The following TRHDE variants were observed in gnomAD, a reference collection of about 807,000 sequenced individuals.
TRHDE encodes the protein thyrotropin releasing hormone degrading enzyme.
In TRHDE, 72 loss-of-function variants were observed where a neutral mutation model predicts 125.7. The observed-to-expected ratio is 0.57, with a 90% CI of 0.47 to 0.70. The LOEUF is 0.70. Among genes scored for constraint, TRHDE ranks in the 30% least tolerant of loss-of-function variants. The pLI, the probability that TRHDE is intolerant of heterozygous loss-of-function variation, is 0.00. For synonymous variants in TRHDE, 509 were observed against 509.1 expected (o/e 1.00, Z 0.00); for missense variants, 1,110 against 1,327.1 (o/e 0.84, Z 2.54).
At chr12:72,253,742 T>G (rs1878741658) in intron 2 of TRHDE, 1 of 152,200 alleles carries the variant, frequency 6.6e-6, no homozygotes, top group Admixed American at 6.5e-5. Flanking sequence ...GAGTTTTTAA[T>G]TACAAATGAA....
chr12:72,634,443 A>G (rs996600829), intron 15 of TRHDE, among the ~76,000 whole-genome samples: 2 of 151,600 alleles, frequency 1.3e-5, no homozygotes, highest in African/African-American at 2.4e-5. Context: ...TTTTTAACCA[A>G]TGCATGAGTT....
intron 12 of TRHDE, among the ~76,000 whole-genome samples, chr12:72,576,392 A>C (rs1191401788): frequency 6.6e-6 from 1 of 152,004 alleles, no homozygotes; most frequent in African/African-American, 2.4e-5. Context: ...GCTTTTTTTC[A>C]TGGGACCTGA....
At chr12:72,495,330 C>A (rs565652991) in intron 5 of TRHDE, among the ~76,000 whole-genome samples, 1 of 152,088 alleles carries the variant, frequency 6.6e-6, no homozygotes, top group South Asian at 2.1e-4. Context: ...TCCTAAGACA[C>A]TACTTTTATT....
intron 2 of TRHDE, among the ~76,000 whole-genome samples, chr12:72,330,617 C>T (rs1869550582): frequency 6.6e-6 from 1 of 152,192 alleles, no homozygotes; most frequent in African/African-American, 2.4e-5. Context: ...GGAGCACTCT[C>T]AAAGGCTGGC....
intron 2 of TRHDE, among the ~76,000 whole-genome samples, chr12:72,111,570 T>C (rs1166830910): frequency 6.6e-6 from 1 of 152,154 alleles, no homozygotes; most frequent in African/African-American, 2.4e-5. Context: ...CAACATTTTA[T>C]TATAAAGCAC....
rs945293174 is a variant in TRHDE, at chr12:72,172,025, G to A, written n.279+66273G>A. On this transcript the variant is annotated intron_variant and non_coding_transcript_variant, in intron 2 of 4. Transcript: ENST00000548156. Reference sequence around the variant, plus strand: ...TAATAACACTCTTAAGGCACAAGAGGGTTCTAGACATTTAATGGAGTAAGT... The same window carrying A: ...TAATAACACTCTTAAGGCACAAGAGAGTTCTAGACATTTAATGGAGTAAGT... Among the ~76,000 whole-genome samples the A allele has an allele frequency of 1.3e-5, 2 of 152,060 alleles. 1 individual carries two copies. Among genetic ancestry groups the A allele is most frequent in the Admixed American group, 1.3e-4 (2 of 15,242 alleles).
At chr12:72,256,141 A>G (rs991931295) in intron 2 of TRHDE, 2 of 152,188 alleles carry the variant, frequency 1.3e-5, no homozygotes, top group Non-Finnish European at 2.9e-5. Flanking sequence ...GCTCTTTCCA[A>G]TTGAAAGTCA....
intron 7 of TRHDE, among the ~76,000 whole-genome samples, chr12:72,551,033 A>G (rs774334982): frequency 1.3e-5 from 2 of 151,992 alleles, no homozygotes; most frequent in Admixed American, 1.3e-4. Flanking sequence ...CTTATGCATT[A>G]AAATTGAGGT....
At chr12:72,327,327 G>A (rs943327014) in intron 2 of TRHDE, among the ~76,000 whole-genome samples, 1 of 152,076 alleles carries the variant, frequency 6.6e-6, no homozygotes, top group Non-Finnish European at 1.5e-5. Flanking sequence ...TTGAGGGTTG[G>A]GCAGTGATAG....
intron 3 of TRHDE, among the ~76,000 whole-genome samples, chr12:72,387,352 C>T (rs1391051404): frequency 6.6e-6 from 1 of 151,294 alleles, no homozygotes; most frequent in Non-Finnish European, 1.5e-5. Flanking sequence ...ATTGCTAGTA[C>T]TCTCATTCCA....
At chr12:72,359,666 T>A (rs1870979325) in intron 2 of TRHDE, among the ~76,000 whole-genome samples, 1 of 151,652 alleles carries the variant, frequency 6.6e-6, no homozygotes, top group African/African-American at 2.4e-5. Context: ...AATCAAGAGA[T>A]ATTATTCCAA....
At chr12:72,497,625 A>G (rs970455843) in intron 5 of TRHDE, among the ~76,000 whole-genome samples, 9 of 152,150 alleles carry the variant, frequency 5.9e-5, no homozygotes, top group African/African-American at 2.2e-4. Flanking sequence ...GTTGAAGTAT[A>G]ATTATAATTT....
At chr12:72,491,357 C>T (rs1331000180) in intron 5 of TRHDE, among the ~76,000 whole-genome samples, 1 of 151,784 alleles carries the variant, frequency 6.6e-6, no homozygotes, top group Non-Finnish European at 1.5e-5. Context: ...CACAATTGTT[C>T]CACAAGACCC....
intron 12 of TRHDE, among the ~76,000 whole-genome samples, chr12:72,591,169 C>A (rs1269248581): frequency 6.6e-6 from 1 of 152,096 alleles, no homozygotes; most frequent in Non-Finnish European, 1.5e-5. Flanking sequence ...CATGGAAAAA[C>A]CCACCCCCAT....
intron 5 of TRHDE, among the ~76,000 whole-genome samples, chr12:72,492,064 AGT>A (rs1434210110): frequency 6.6e-6 from 1 of 151,982 alleles, no homozygotes; most frequent in African/African-American, 2.4e-5. Flanking sequence ...TCTGTATGTA[AGT>A]GTGTTTACAC....
intron 1 of TRHDE, among the ~76,000 whole-genome samples, chr12:72,104,132 G>A (rs1027914810): frequency 3.3e-5 from 5 of 152,064 alleles, no homozygotes; most frequent in Non-Finnish European, 7.4e-5. Context: ...TATGGGTGTG[G>A]GGAGATAAGC....
intron 12 of TRHDE, among the ~76,000 whole-genome samples, chr12:72,592,024 T>A (rs2136048499): frequency 6.6e-6 from 1 of 152,206 alleles, no homozygotes; most frequent in Non-Finnish European, 1.5e-5. Flanking sequence ...CAAATTTTTT[T>A]CATTAAATTT....
chr12:72,306,399 G>T (rs1027845937), intron 2 of TRHDE, among the ~76,000 whole-genome samples: 2 of 152,232 alleles, frequency 1.3e-5, no homozygotes, highest in African/African-American at 4.8e-5. Flanking sequence ...ATTATTAAAT[G>T]AGAGTGGGGA....
intron 2 of TRHDE, among the ~76,000 whole-genome samples, chr12:72,309,475 GCA>G (rs1868437620): frequency 6.6e-6 from 1 of 152,040 alleles, no homozygotes; most frequent in Admixed American, 6.6e-5. Flanking sequence ...GGGGTAAAAA[GCA>G]CAATTGGGGA....
Sources: gnomAD v4.1 joint callset for allele counts (sites outside exome capture counted in the v4.1 genomes callset) on GRCh38, gnomAD v4.1.1 for gene constraint, MANE v1.5 for transcripts, NCBI Gene and HGNC (gene_info 2026-07-23, HGNC 2026-07-21) for gene names.